The following IL1RAPL2 variants were observed in gnomAD, a reference collection of about 807,000 sequenced individuals.
IL1RAPL2 encodes X-linked interleukin-1 receptor accessory protein-like 2.
Under a neutral mutation model 44.1 loss-of-function variants are expected in IL1RAPL2, and 3 were observed. The ratio of observed to expected loss-of-function variants is 0.07; its 90% CI spans 0.03 to 0.18. The LOEUF is 0.18. Among genes scored for constraint, IL1RAPL2 ranks in the 10% least tolerant of loss-of-function variants. IL1RAPL2 has a pLI of 1.00. For missense variants in IL1RAPL2, 391 were observed against 496.4 expected, an observed-to-expected ratio of 0.79 and a Z score of 2.02; for synonymous variants, 181 against 178.8, an observed-to-expected ratio of 1.01 and a Z score of -0.10.
chrX:104,670,873 G>A (rs1027904680), intron 2 of IL1RAPL2, among the ~76,000 whole-genome samples: 2 of 111,172 alleles, frequency 1.8e-5, no homozygotes, highest in Non-Finnish European at 3.8e-5. Context: ...AGTTATAGAT[G>A]TACAGCAATT....
intron 6 of IL1RAPL2, among the ~76,000 whole-genome samples, chrX:105,523,809 A>G (rs1336757703): frequency 3.6e-5 from 4 of 111,062 alleles, no homozygotes; most frequent in Non-Finnish European, 7.6e-5. Context: ...AAAAATGATC[A>G]GCCTAATTGC....
intron 6 of IL1RAPL2, among the ~76,000 whole-genome samples, chrX:105,618,245 G>A (rs1299664898): frequency 9.1e-6 from 1 of 109,421 alleles, no homozygotes; most frequent in African/African-American, 3.3e-5. Context: ...CTCCCACACA[G>A]AGGGGAACAA....
intron 1 of IL1RAPL2, among the ~76,000 whole-genome samples, chrX:104,592,354 C>A (rs779431647): frequency 9.1e-6 from 1 of 110,369 alleles, no homozygotes; most frequent in Non-Finnish European, 1.9e-5. Flanking sequence ...CTACATTGTG[C>A]TTATCAGTTG....
At chrX:105,193,618 C>T (rs1477079195) in intron 2 of IL1RAPL2, among the ~76,000 whole-genome samples, 1 of 111,627 alleles carries the variant, frequency 9.0e-6, no homozygotes, top group East Asian at 2.8e-4. Context: ...CCTTCTTTTC[C>T]TTCTTGAAAG....
At chrX:105,525,051 A>C (rs183203590) in intron 6 of IL1RAPL2, among the ~76,000 whole-genome samples, 22 of 111,519 alleles carry the variant, frequency 2.0e-4, no homozygotes, top group African/African-American at 6.5e-4. Flanking sequence ...TGTTGCTGCT[A>C]GTTTGGGTTC....
intron 6 of IL1RAPL2, among the ~76,000 whole-genome samples, chrX:105,563,388 T>G (rs970341283): frequency 1.8e-5 from 2 of 111,665 alleles, no homozygotes; most frequent in African/African-American, 6.5e-5. Context: ...GGCAGGGAGA[T>G]ATGCACATTT....
At chrX:105,685,022 G>A (rs1035345961) in intron 6 of IL1RAPL2, among the ~76,000 whole-genome samples, 1 of 111,497 alleles carries the variant, frequency 9.0e-6, no homozygotes, top group South Asian at 3.8e-4. Context: ...CAACAAAAAG[G>A]TCATCTACAC....
intron 1 of IL1RAPL2, among the ~76,000 whole-genome samples, chrX:104,579,288 T>A (rs1426475868): frequency 8.9e-6 from 1 of 111,835 alleles, no homozygotes; most frequent in Non-Finnish European, 1.9e-5. Flanking sequence ...CATAATGACA[T>A]GCATATGTAT....
chrX:105,179,860 T>G (rs782747908), intron 2 of IL1RAPL2, among the ~76,000 whole-genome samples: 11 of 110,683 alleles, frequency 9.9e-5, no homozygotes, highest in Non-Finnish European at 2.1e-4. Flanking sequence ...CTTTACTGGA[T>G]TAATTGATCA....
chrX:104,914,175 A>AAAAC (rs1346060490), intron 2 of IL1RAPL2, among the ~76,000 whole-genome samples: 2 of 111,618 alleles, frequency 1.8e-5, no homozygotes, highest in Middle Eastern at 4.6e-3. Flanking sequence ...ATCTTTACTA[A>AAAAC]AAACAAACAA....
chrX:104,821,951 A>G (rs1921315189), intron 2 of IL1RAPL2, among the ~76,000 whole-genome samples: 1 of 112,167 alleles, frequency 8.9e-6, no homozygotes, highest in African/African-American at 3.2e-5. Context: ...CTCGCGTGAG[A>G]TGGTATCTCA....
intron 6 of IL1RAPL2, among the ~76,000 whole-genome samples, chrX:105,503,700 C>T (rs2036411775): frequency 9.0e-6 from 1 of 111,459 alleles, no homozygotes; most frequent in South Asian, 3.8e-4. Flanking sequence ...GTTCCAGAAA[C>T]TAGAAATCTG....
intron 1 of IL1RAPL2, among the ~76,000 whole-genome samples, chrX:104,631,181 T>C (rs2148011739): frequency 8.9e-6 from 1 of 112,227 alleles, no homozygotes; most frequent in Admixed American, 9.5e-5. Flanking sequence ...TCCTTTTTTA[T>C]GGCTGCATAG....
rs935871008 is a variant in IL1RAPL2 at position 104,646,396 on chromosome X, C to G, written c.-19-12499C>G. 2.3e-4 allele frequency among the ~76,000 whole-genome samples: 25 copies of G among 108,585 alleles called. 1 individual carries two copies. In the Admixed American group the frequency reaches 2.5e-3, roughly 11 times the overall value. The allele number at this position is 108,585 out of a possible 115,157, so 94.3% of individuals were successfully genotyped here. A position where few individuals can be genotyped will look rare whatever the true frequency, so the allele number is the denominator to read the frequency against. On this transcript the variant is annotated intron_variant, in intron 1 of 10. Transcript: ENST00000372582. Reference sequence around the variant, plus strand: ...TTAAATTTTGACGATGATATTGAATCTAGATCATGGTACATAATAGGCTCA... The same window carrying G: ...TTAAATTTTGACGATGATATTGAATGTAGATCATGGTACATAATAGGCTCA...
rs1226459188 is a variant in IL1RAPL2 at position 105,473,149 on chromosome X, T to A, written c.698-11164T>A. Among the ~76,000 whole-genome samples the A allele has an allele frequency of 3.6e-5, 4 of 111,899 alleles. No individual in the cohort carries two copies. In the East Asian group the frequency reaches 1.1e-3, roughly 32 times the overall value. On this transcript the variant is annotated intron_variant, in intron 5 of 10. Transcript: ENST00000372582. ...AGGAAATTAGGATTTACATTTTGGT[T>A]CTGGCTCTTAGTAGCCAGAGGTTAG...
rs751306759 is a variant in IL1RAPL2 at position 105,728,414 on chromosome X, A to G, written c.902+10918A>G. ...GCCTTTACTGAGTTTTCTTAATGCT[A>G]CCAGCACCATGCTAGTTGCTAGTGG... On this transcript the variant is annotated intron_variant, in intron 7 of 10. Coordinates refer to ENST00000372582, the MANE Select transcript of IL1RAPL2 (RefSeq NM_017416.2). Among the ~76,000 whole-genome samples the G allele has an allele frequency of 1.4e-4, 16 of 111,873 alleles. No homozygotes were observed. The South Asian group carries it at 5.9e-3, about 41-fold the overall frequency.
intron 4 of IL1RAPL2, 120 bp from the exon 5 acceptor site, chrX:105,267,268 G>T: frequency 1.6e-6 from 1 of 611,086 alleles, no homozygotes; most frequent in African/African-American, 2.3e-5. Flanking sequence ...TAACTCCTTA[G>T]TTACATATTT....
chrX:105,020,408 G>C (rs181656990), intron 2 of IL1RAPL2, among the ~76,000 whole-genome samples: 2 of 112,097 alleles, frequency 1.8e-5, no homozygotes, highest in African/African-American at 6.5e-5. Context: ...GCATTTAGCA[G>C]CTTCTGCTGC....
intron 2 of IL1RAPL2, among the ~76,000 whole-genome samples, chrX:104,761,286 GA>G (rs1271850054): frequency 1.8e-5 from 2 of 111,375 alleles, no homozygotes; most frequent in East Asian, 2.8e-4. Flanking sequence ...GCAGGAAGGA[GA>G]AGTGCAAAGC....
Sources: gnomAD v4.1 joint callset for allele counts (sites outside exome capture counted in the v4.1 genomes callset) on GRCh38, gnomAD v4.1.1 for gene constraint, MANE v1.5 for transcripts, NCBI Gene and HGNC (gene_info 2026-07-23, HGNC 2026-07-21) for gene names.